The following THSD7B variants were observed in gnomAD, a reference collection of about 807,000 sequenced individuals.
THSD7B encodes thrombospondin type 1 domain containing 7B.
In THSD7B, 138 loss-of-function variants were observed where a neutral mutation model predicts 213.6. That is an observed-to-expected ratio of 0.65 (90% CI 0.56 to 0.74). The LOEUF (loss-of-function observed/expected upper bound fraction) is 0.74, where lower values mean the gene tolerates loss of function less well. THSD7B is among the 30% of genes least tolerant of loss of function. The pLI is 0.00. For synonymous variants in THSD7B, 742 were observed against 687.0 expected, an observed-to-expected ratio of 1.08 and a Z score of -1.25; for missense variants, 1,931 against 1,991.5, an observed-to-expected ratio of 0.97 and a Z score of 0.58.
intron 2 of THSD7B, among the ~76,000 whole-genome samples, chr2:137,054,908 C>T (rs115387265): frequency 0.016 from 2,493 of 152,000 alleles, 65 homozygotes; most frequent in African/African-American, 0.056. Context: ...ATTAGGTATT[C>T]GTCTTAATGC....
At chr2:137,334,738 A>G (rs1684598602) in intron 12 of THSD7B, among the ~76,000 whole-genome samples, 1 of 152,178 alleles carries the variant, frequency 6.6e-6, no homozygotes, top group Non-Finnish European at 1.5e-5. Context: ...ATAGAAATAG[A>G]TTAACTAGAT....
intron 15 of THSD7B, among the ~76,000 whole-genome samples, chr2:137,544,651 TGAA>T (rs1289380258): frequency 1.3e-5 from 2 of 151,904 alleles, no homozygotes; most frequent in African/African-American, 4.8e-5. Flanking sequence ...TTATTTTTAA[TGAA>T]GAGTGATTTT....
intron 15 of THSD7B, among the ~76,000 whole-genome samples, chr2:137,467,845 A>G (rs575655150): frequency 1.7e-3 from 264 of 152,294 alleles, no homozygotes; most frequent in African/African-American, 6.0e-3. Flanking sequence ...AACAACCTTC[A>G]TGCCTCACTC....
chr2:137,488,976 G>T (rs1246848544), intron 15 of THSD7B, among the ~76,000 whole-genome samples: 1 of 152,130 alleles, frequency 6.6e-6, no homozygotes, highest in East Asian at 1.9e-4. Context: ...GGATAAAGTT[G>T]AAATTTCATC....
At chr2:137,637,499 G>A (rs1682855616) in intron 20 of THSD7B, among the ~76,000 whole-genome samples, 1 of 152,162 alleles carries the variant, frequency 6.6e-6, no homozygotes, top group Non-Finnish European at 1.5e-5. Flanking sequence ...TCAAAATGCA[G>A]ATTTACTATA....
intron 15 of THSD7B, among the ~76,000 whole-genome samples, chr2:137,517,699 T>G (rs1333650910): frequency 2.6e-5 from 4 of 152,210 alleles, no homozygotes; most frequent in Non-Finnish European, 5.9e-5. Context: ...CTCTGCCACT[T>G]GGGCCATATG....
At chr2:137,613,885 A>T (rs1459325583) in intron 17 of THSD7B, among the ~76,000 whole-genome samples, 1 of 152,166 alleles carries the variant, frequency 6.6e-6, no homozygotes, top group African/African-American at 2.4e-5. Flanking sequence ...AATAGAGAGA[A>T]AGAAATAAGG....
rs551757206 is a variant in THSD7B, at chr2:137,642,257, G to T, written c.3800-231G>T. ...AACAATAGAACGTTTGTACTTTGAA[G>T]ACTAAAAGAAGTAGAAGACAGAATT... On this transcript the variant is annotated intron_variant, in intron 20 of 27. Transcript: ENST00000409968. 4 of 461,854 alleles carry T rather than the reference G, an allele frequency of 8.7e-6. No individual in the cohort carries two copies. In the East Asian group the frequency reaches 1.5e-4, roughly 18 times the overall value. The allele number at this position is 461,854 out of a possible 1,614,324, so 28.6% of individuals were successfully genotyped here. A position where few individuals can be genotyped will look rare whatever the true frequency, so the allele number is the denominator to read the frequency against.
chr2:137,183,452 T>C (rs1680492577), intron 7 of THSD7B, among the ~76,000 whole-genome samples: 1 of 152,170 alleles, frequency 6.6e-6, no homozygotes, highest in Admixed American at 6.6e-5. Context: ...TAATCTTCAG[T>C]CAATCCAGAT....
chr2:137,503,147 A>C (rs1679749082), intron 15 of THSD7B, among the ~76,000 whole-genome samples: 1 of 152,218 alleles, frequency 6.6e-6, no homozygotes, highest in Non-Finnish European at 1.5e-5. Flanking sequence ...TACCATTGTT[A>C]TAACTCTGGG....
intron 4 of THSD7B, among the ~76,000 whole-genome samples, chr2:137,097,578 A>C (rs1688061986): frequency 6.6e-6 from 1 of 152,158 alleles, no homozygotes; most frequent in African/African-American, 2.4e-5. Context: ...ACTAATATAC[A>C]TGCATTTGTG....
intron 9 of THSD7B, among the ~76,000 whole-genome samples, chr2:137,235,246 G>T (rs967974569): frequency 6.6e-6 from 1 of 152,044 alleles, no homozygotes; most frequent in Non-Finnish European, 1.5e-5. Context: ...CGAAAGATTA[G>T]AATGAATATA....
At chr2:137,118,767 C>T (rs562026469) in intron 5 of THSD7B, among the ~76,000 whole-genome samples, 5 of 151,970 alleles carry the variant, frequency 3.3e-5, no homozygotes, top group South Asian at 2.1e-4. Context: ...ATTTCCGTGC[C>T]GCTGATAAAG....
intron 17 of THSD7B, among the ~76,000 whole-genome samples, chr2:137,582,036 C>T (rs1428967681): frequency 6.6e-6 from 1 of 151,516 alleles, no homozygotes; most frequent in Admixed American, 6.6e-5. Flanking sequence ...GCAGAGGTTG[C>T]AGGAGGTTGC....
intron 2 of THSD7B, among the ~76,000 whole-genome samples, chr2:136,939,412 C>CT (rs747003676): frequency 4.9e-4 from 75 of 152,294 alleles, no homozygotes; most frequent in Non-Finnish European, 6.2e-4. Context: ...TGGAATTTAA[C>CT]TTTTTTTCTC....
intron 3 of THSD7B, among the ~76,000 whole-genome samples, chr2:137,091,263 A>T (rs891429615): frequency 6.6e-6 from 1 of 152,112 alleles, no homozygotes; most frequent in Non-Finnish European, 1.5e-5. Flanking sequence ...GATGAGCAAC[A>T]GAGAGTGAAA....
At chr2:136,857,772 A>G (rs1388545765) in intron 1 of THSD7B, among the ~76,000 whole-genome samples, 1 of 152,234 alleles carries the variant, frequency 6.6e-6, no homozygotes, top group African/African-American at 2.4e-5. Flanking sequence ...ATCTCACATA[A>G]TAATTGCATT....
At chr2:137,427,864 G>A (rs1221400148) in intron 14 of THSD7B, among the ~76,000 whole-genome samples, 2 of 152,088 alleles carry the variant, frequency 1.3e-5, no homozygotes. Context: ...AGGGAACTAT[G>A]TGAAGTGAAG....
intron 12 of THSD7B, among the ~76,000 whole-genome samples, chr2:137,373,001 T>C (rs368238642): frequency 3.9e-5 from 6 of 151,962 alleles, no homozygotes; most frequent in Non-Finnish European, 7.4e-5. Flanking sequence ...TCCAATTTCA[T>C]CCATGTCCCT....
Sources: gnomAD v4.1 joint callset for allele counts (sites outside exome capture counted in the v4.1 genomes callset) on GRCh38, gnomAD v4.1.1 for gene constraint, MANE v1.5 for transcripts, NCBI Gene and HGNC (gene_info 2026-07-23, HGNC 2026-07-21) for gene names.